FSTL5: variants seen among roughly 807,000 people sequenced by gnomAD.
FSTL5 encodes the protein follistatin-related protein 5.
Under a neutral mutation model 89.1 loss-of-function variants are expected in FSTL5, and 62 were observed. The ratio of observed to expected loss-of-function variants is 0.70; its 90% CI spans 0.57 to 0.86. FSTL5 has a LOEUF of 0.86. Among genes scored for constraint, FSTL5 ranks in the 40% least tolerant of loss-of-function variants. The pLI, the probability that FSTL5 is intolerant of heterozygous loss-of-function variation, is 0.00. For synonymous variants in FSTL5, 383 were observed against 346.2 expected, an observed-to-expected ratio of 1.11 and a Z score of -1.18; for missense variants, 1,057 against 1,001.6, an observed-to-expected ratio of 1.06 and a Z score of -0.75.
chr4:161,547,894 C>T (rs543568397), intron 8 of FSTL5, among the ~76,000 whole-genome samples: 1 of 151,776 alleles, frequency 6.6e-6, no homozygotes, highest in African/African-American at 2.4e-5. Flanking sequence ...ATACCAGTAA[C>T]AAAATATTTC....
chr4:161,968,818 C>T (rs1397436211), intron 3 of FSTL5, among the ~76,000 whole-genome samples: 1 of 151,920 alleles, frequency 6.6e-6, no homozygotes, highest in African/African-American at 2.4e-5. Flanking sequence ...GTCACTTTAG[C>T]CTCAACTTAT....
chr4:161,743,578 G>GA (rs1740098358), intron 6 of FSTL5, among the ~76,000 whole-genome samples: 2 of 151,588 alleles, frequency 1.3e-5, no homozygotes, highest in African/African-American at 4.8e-5. Flanking sequence ...TTCTATTTCT[G>GA]AAAAAACACT....
At chr4:162,086,475 C>G (rs1285341055) in intron 2 of FSTL5, among the ~76,000 whole-genome samples, 1 of 151,742 alleles carries the variant, frequency 6.6e-6, no homozygotes, top group African/African-American at 2.4e-5. Context: ...TTTATAAAAC[C>G]TTCAGTTCTG....
chr4:162,039,051 AT>A (rs1353834394), intron 2 of FSTL5, among the ~76,000 whole-genome samples: 3 of 151,866 alleles, frequency 2.0e-5, no homozygotes, highest in African/African-American at 7.2e-5. Context: ...GTGCTCTCTG[AT>A]CAATACCAAG....
intron 7 of FSTL5, among the ~76,000 whole-genome samples, chr4:161,623,217 G>A (rs1341709185): frequency 6.6e-6 from 1 of 151,926 alleles, no homozygotes; most frequent in African/African-American, 2.4e-5. Context: ...TGTAAGAAAA[G>A]AAAAGTTTCC....
At chr4:161,746,331 C>T (rs1287632440) in intron 6 of FSTL5, among the ~76,000 whole-genome samples, 1 of 152,076 alleles carries the variant, frequency 6.6e-6, no homozygotes, top group African/African-American at 2.4e-5. Context: ...TGGATCTTTT[C>T]CCCTAATATT....
At chr4:161,925,468 A>G (rs1734095952) in intron 3 of FSTL5, among the ~76,000 whole-genome samples, 1 of 151,888 alleles carries the variant, frequency 6.6e-6, no homozygotes, top group Non-Finnish European at 1.5e-5. Context: ...TATTTTGACT[A>G]CATGTATGAT....
intron 6 of FSTL5, among the ~76,000 whole-genome samples, chr4:161,671,455 G>A (rs2126698452): frequency 6.6e-6 from 1 of 152,224 alleles, no homozygotes; most frequent in Middle Eastern, 3.4e-3. Flanking sequence ...AAGACCTACG[G>A]TATGCAAAGC....
At chr4:161,425,934 AT>A (rs201056664) in intron 15 of FSTL5, among the ~76,000 whole-genome samples, 12,273 of 145,148 alleles carry the variant, frequency 0.085, 746 homozygotes, top group East Asian at 0.25. Flanking sequence ...TGCTGTAGGG[AT>A]TTTTTTTTTT....
intron 8 of FSTL5, among the ~76,000 whole-genome samples, chr4:161,566,674 G>C (rs1295732720): frequency 1.3e-5 from 2 of 152,008 alleles, no homozygotes. Context: ...GTATCTCATT[G>C]TGGTTTTGAT....
intron 4 of FSTL5, among the ~76,000 whole-genome samples, chr4:161,870,774 C>A (rs557688628): frequency 3.9e-5 from 6 of 152,152 alleles, no homozygotes; most frequent in Non-Finnish European, 7.4e-5. Flanking sequence ...AATTTATTTT[C>A]TTTCTTTGTT....
At chr4:161,731,872 T>C (rs143836609) in intron 6 of FSTL5, among the ~76,000 whole-genome samples, 1 of 152,232 alleles carries the variant, frequency 6.6e-6, no homozygotes, top group African/African-American at 2.4e-5. Flanking sequence ...TGTAAAGATA[T>C]ACCACAATTT....
chr4:161,633,788 T>C (rs1031740929), intron 7 of FSTL5, among the ~76,000 whole-genome samples: 7 of 152,068 alleles, frequency 4.6e-5, no homozygotes, highest in Non-Finnish European at 8.8e-5. Flanking sequence ...AAAGCAAATA[T>C]AAAATGAGCA....
At chr4:161,696,669 T>A (rs112418902) in intron 6 of FSTL5, among the ~76,000 whole-genome samples, 1 of 152,136 alleles carries the variant, frequency 6.6e-6, no homozygotes, top group East Asian at 1.9e-4. Flanking sequence ...TTTCTCCTCC[T>A]TGGTTAGGTA....
chr4:162,136,216 G>T (rs181754694), intron 1 of FSTL5, among the ~76,000 whole-genome samples: 25 of 152,154 alleles, frequency 1.6e-4, no homozygotes, highest in Middle Eastern at 3.4e-3. Flanking sequence ...TTTTTAATAT[G>T]TACCAAAACA....
intron 10 of FSTL5, among the ~76,000 whole-genome samples, chr4:161,534,414 C>A (rs1164955051): frequency 6.6e-6 from 1 of 152,054 alleles, no homozygotes; most frequent in Non-Finnish European, 1.5e-5. Flanking sequence ...AAACTAGCAA[C>A]ATTTCTATAT....
intron 3 of FSTL5, among the ~76,000 whole-genome samples, chr4:162,018,762 T>C (rs1388073374): frequency 6.6e-6 from 1 of 152,136 alleles, no homozygotes; most frequent in African/African-American, 2.4e-5. Context: ...CCTGCTCTTC[T>C]GGGACTACAC....
chr4:161,862,322 T>C (rs548387051), intron 4 of FSTL5, among the ~76,000 whole-genome samples: 5 of 152,330 alleles, frequency 3.3e-5, no homozygotes, highest in Admixed American at 2.0e-4. Context: ...CAGCTGCTTT[T>C]ACAATTTCAA....
intron 6 of FSTL5, among the ~76,000 whole-genome samples, chr4:161,657,917 TAA>T (rs892923113): frequency 2.6e-5 from 4 of 152,156 alleles, no homozygotes; most frequent in Non-Finnish European, 4.4e-5. Flanking sequence ...TCTCTAAACC[TAA>T]AGTCACGCTT....
Sources: gnomAD v4.1 joint callset for allele counts (sites outside exome capture counted in the v4.1 genomes callset) on GRCh38, gnomAD v4.1.1 for gene constraint, MANE v1.5 for transcripts, NCBI Gene and HGNC (gene_info 2026-07-23, HGNC 2026-07-21) for gene names.